SYNM: variants seen among roughly 807,000 people sequenced by gnomAD.
SYNM encodes the protein desmuslin.
Under a neutral mutation model 104.0 loss-of-function variants are expected in SYNM, and 95 were observed. That is an observed-to-expected ratio of 0.91 (90% CI 0.77 to 1.08). SYNM has a LOEUF of 1.08. Ranked by LOEUF, SYNM falls within the 50% of genes least tolerant of loss-of-function variation. The pLI is 0.00. For synonymous variants in SYNM, 918 were observed against 869.0 expected (o/e 1.06, Z -0.99); for missense variants, 2,150 against 2,052.2 (o/e 1.05, Z -0.92).
At chr15:99,113,532 TCAGTTCGACCCAGTAAAGCTC>T in intron 1 of SYNM, 38 bp from the exon 2 acceptor site, 1 of 1,602,710 alleles carries the variant, frequency 6.2e-7, no homozygotes, top group Non-Finnish European at 8.5e-7. Context: ...GTTGGTACCT[TCAGTTCGACCCAGTAAAGCTC>T]CAGTTCTCTG....
chr15:99,115,874 G>A (rs1316124958), intron 2 of SYNM, among the ~76,000 whole-genome samples: 2 of 152,210 alleles, frequency 1.3e-5, no homozygotes, highest in South Asian at 2.1e-4. Context: ...AGCCTGGGCC[G>A]GCCTCACTGT....
In SYNM at chr15:99,135,500, A is replaced by G. The variant is rs1331091768; in HGVS notation, c.*2442A>G. On this transcript the variant is annotated 3_prime_UTR_variant, in exon 4 of 4. Coordinates refer to ENST00000336292, the MANE Select transcript of SYNM (RefSeq NM_145728.3). ...GTTTAAGATGTATATTTAGAATGAC[A>G]TCATCTAAGAAGCTGATTTTGCTAA... 11 of 152,650 alleles carry G rather than the reference A, an allele frequency of 7.2e-5. No individual in the cohort carries two copies. The highest frequency in any genetic ancestry group is 2.2e-4 in the African/African-American group (9 of 41,460). 9.5% of individuals were successfully genotyped at this position (152,650 alleles called of 1,614,324 possible).
intron 2 of SYNM, among the ~76,000 whole-genome samples, chr15:99,116,615 A>G (rs917946987): frequency 7.0e-6 from 1 of 143,712 alleles, no homozygotes; most frequent in Non-Finnish European, 1.5e-5. Flanking sequence ...GTGAAAGGGC[A>G]GCAGGCATGT....
Position 99,113,465 on chromosome 15 carries a change from G to A in SYNM, c.811-126G>A, listed in dbSNP as rs189324384. The A allele has an allele frequency of 2.8e-5, 34 of 1,202,998 alleles. No homozygotes were observed. In the East Asian group the frequency reaches 4.2e-4, roughly 15 times the overall value. The allele number at this position is 1,202,998 out of a possible 1,614,324, so 74.5% of individuals were successfully genotyped here. On this transcript the variant is annotated intron_variant, in intron 1 of 3. Coordinates refer to ENST00000336292, the MANE Select transcript of SYNM (RefSeq NM_145728.3). The stretch of plus-strand genomic sequence containing the variant: ...AAGTGACTGCATGTTTAATAACGCC[G>A]GGTGTTTTTCTGGTCTGCTAATAAC...
At position 99,132,416 on chromosome 15, in the gene SYNM, C is replaced by T; in HGVS notation, c.4056C>T (p.His1352=). The T allele has an allele frequency of 3.1e-6, 5 of 1,614,002 alleles. No individual in the cohort carries two copies. The highest frequency in any genetic ancestry group is 2.2e-5 in the South Asian group (2 of 91,086). ...ACGGAGAGGGCTCAGCAGATGTGCA[C>T]CAGGCCACTCACAGTCATACCTCGG... The part of the protein sequence containing the change: ...TVHGEGSADV[H]QATHSHTSGR... The change falls in exon 4 of 4, where the codon CAC becomes CAT. Residue 1352 remains histidine (H), a synonymous_variant. Transcript: ENST00000336292.
downstream of SYNM, chr15:99,139,771 TG>T (rs201107493): frequency 1.1e-4 from 145 of 1,298,670 alleles, 1 homozygote; most frequent in African/African-American, 4.0e-4. Context: ...AAAATAGTTT[TG>T]TTTTTTTTGT....
intron 2 of SYNM, among the ~76,000 whole-genome samples, chr15:99,125,446 C>G (rs2067437989): frequency 6.6e-6 from 1 of 152,252 alleles, no homozygotes; most frequent in Non-Finnish European, 1.5e-5. Context: ...TGGACTCGGG[C>G]CTCTGCACAT....
chr15:99,132,474 T>C lies in SYNM; in HGVS notation c.4114T>C (p.Phe1372Leu), dbSNP rs782211174. The change falls in exon 4 of 4, where the codon TTC (phenylalanine) becomes CTC (leucine). Residue 1372 changes from phenylalanine (F) to leucine (L), a missense_variant. Physicochemically the swap from Phe to Leu is conservative, Grantham distance 22. Coordinates refer to ENST00000336292, the MANE Select transcript of SYNM (RefSeq NM_145728.3). ...RQTVMTEKST[F>L]QSVVSESPQE... ...AACCGTTATGACTGAAAAGAGCACC[T>C]TCCAAAGTGTCGTTTCTGAATCTCC... 6.2e-7 allele frequency: 1 copy of C among 1,614,016 alleles called. No individual in the cohort carries two copies. Among genetic ancestry groups the C allele is most frequent in the East Asian group, 2.2e-5 (1 of 44,888 alleles).
At chr15:99,139,681 A>T (rs1309986738), downstream of SYNM, 3 of 1,391,844 alleles carry the variant, frequency 2.2e-6, no homozygotes, top group Non-Finnish European at 2.9e-6. Flanking sequence ...TAAAGGCAAG[A>T]ACCTTGGTAC....
At position 99,130,775 on chromosome 15, in the gene SYNM, C is replaced by G; in HGVS notation, c.2415C>G (p.Thr805=). The change falls in exon 4 of 4, where the codon ACC becomes ACG. Residue 805 remains threonine (T), a synonymous_variant. Coordinates refer to ENST00000336292, the MANE Select transcript of SYNM (RefSeq NM_145728.3). ...VTFSVNQHRR[T]KQPQENTTHV... ...TCTCAGTTAATCAGCATCGAAGGAC[C>G]AAGCAGCCTCAGGAGAACACGACTC... 6.2e-7 allele frequency: 1 copy of G among 1,613,950 alleles called. No individual in the cohort carries two copies. Among genetic ancestry groups the G allele is most frequent in the Non-Finnish European group, 8.5e-7 (1 of 1,179,886 alleles).
rs369978337 is a variant in SYNM, at chr15:99,129,839, C to T, written c.1479C>T (p.Thr493=). ...ASESTRSNER[T]VILGKKTEVK... ...AAAGCACACGGTCAAATGAGAGGAC[C>T]GTCATTCTGGGAAAGAAAACAGAAG... The change falls in exon 4 of 4, where the codon ACC becomes ACT. Residue 493 remains threonine (T), a synonymous_variant. Transcript: ENST00000336292. 2.2e-5 allele frequency: 36 copies of T among 1,613,396 alleles called. No homozygotes were observed. Among genetic ancestry groups the T allele is most frequent in the South Asian group, 1.6e-4 (15 of 91,032 alleles).
At chr15:99,110,578 C>T (rs1294891779) in intron 1 of SYNM, among the ~76,000 whole-genome samples, 2 of 152,244 alleles carry the variant, frequency 1.3e-5, no homozygotes, top group East Asian at 3.8e-4. Context: ...GTATTTAAAT[C>T]CCCTGGAGCT....
rs781931807 is a variant in SYNM, at chr15:99,105,869, G to A, written c.670G>A (p.Glu224Lys). 8 of 1,541,582 alleles carry A rather than the reference G, an allele frequency of 5.2e-6. No individual in the cohort carries two copies. The highest frequency in any genetic ancestry group is 7.0e-6 in the Non-Finnish European group (8 of 1,146,386). Residue 224 changes from glutamate (E) to lysine (K), a missense_variant, in exon 1 of 4, where the codon GAG becomes AAG. Coordinates refer to ENST00000336292, the MANE Select transcript of SYNM (RefSeq NM_145728.3). ...CGGCCAGGAGAGCAGACTCCAGGCG[G>A]AGGAAGAGACGCGGCTGTGCGCGCA... is the stretch of plus-strand genomic sequence containing the variant. ...RRGQESRLQA[E>K]EETRLCAQEA...
In SYNM at chr15:99,131,005, C is replaced by G; in HGVS notation, c.2645C>G (p.Ala882Gly). ...CGAAGGAGGACACAGAAGGACGGTG[C>G]AGTGGGCGAGAAGGTTGTGAAGCCC... is the stretch of plus-strand genomic sequence containing the variant. ...GTRRRTQKDG[A>G]VGEKVVKPLD... is the part of the protein sequence containing the mutation. The change falls in exon 4 of 4, where the codon GCA (alanine) becomes GGA (glycine). Residue 882 changes from alanine (A) to glycine (G), a missense_variant. Ala to Gly is a moderately conservative substitution (Grantham distance 60). Coordinates refer to ENST00000336292, the MANE Select transcript of SYNM (RefSeq NM_145728.3). This position sits in a 1 kb window ranked among gnomAD's most constrained non-coding sequence, Gnocchi z 4.3. 2 of 1,613,430 alleles carry G rather than the reference C, an allele frequency of 1.2e-6. No individual in the cohort carries two copies. Among genetic ancestry groups the G allele is most frequent in the South Asian group, 2.2e-5 (2 of 90,974 alleles).
At chr15:99,139,737 G>A (rs1555489306), downstream of SYNM, 2 of 1,338,164 alleles carry the variant, frequency 1.5e-6, no homozygotes, top group Middle Eastern at 2.2e-4. Flanking sequence ...TGTGGCCCTT[G>A]TTATAGCCTG....
At position 99,133,162 on chromosome 15, in the gene SYNM, CTTTTTTACT is replaced by C; in HGVS notation, c.*110_*118del. 8 of 1,507,958 alleles carry C rather than the reference CTTTTTTACT, an allele frequency of 5.3e-6. No individual in the cohort carries two copies. The highest frequency in any genetic ancestry group is 7.0e-6 in the Non-Finnish European group (8 of 1,136,754). The allele number at this position is 1,507,958 out of a possible 1,614,324, so 93.4% of individuals were successfully genotyped here. On this transcript the variant is annotated 3_prime_UTR_variant, in exon 4 of 4. Transcript: ENST00000336292. ...CCGAGGGAGTCTATGAAAATCTCCC[CTTTTTTACT>C]TTTTTAAAGAGTACTCCCGGCATGG...
rs782636176 is a variant in SYNM, at chr15:99,132,073, GC to G, written c.3717del (p.Ile1240PhefsTer28). On this transcript the variant is annotated frameshift_variant, in exon 4 of 4. Coordinates refer to ENST00000336292, the MANE Select transcript of SYNM (RefSeq NM_145728.3). LOFTEE classifies it high-confidence loss of function. ...GCTGAAAAGGAGATTATTTTTCAGG[GC>G]CCCATTTCTGCTGCAGGGAAGGTTG... is the stretch of plus-strand genomic sequence containing the variant. ...FHAEKEIIFQ[G>X]PISAAGKVGD... The G allele has an allele frequency of 6.2e-7, 1 of 1,613,918 alleles. No individual in the cohort carries two copies. Among genetic ancestry groups the G allele is most frequent in the African/African-American group, 1.3e-5 (1 of 75,062 alleles).
rs1231716120 is a variant in SYNM at position 99,129,733 on chromosome 15, C to T, written c.1373C>T (p.Pro458Leu). The T allele has an allele frequency of 6.2e-7, 1 of 1,613,582 alleles. No individual in the cohort carries two copies. Among genetic ancestry groups the T allele is most frequent in the East Asian group, 2.2e-5 (1 of 44,876 alleles). ...RPKAGDTREV[P>L]VYIGEDSTIA... ...AAAGCCGGAGATACAAGGGAGGTCC[C>T]CGTTTACATAGGTGAAGATTCCACA... The change falls in exon 4 of 4, where the codon CCC (proline) becomes CTC (leucine). Residue 458 changes from proline (P) to leucine (L), a missense_variant. Pro to Leu is a moderately conservative substitution (Grantham distance 98). Transcript: ENST00000336292.
At chr15:99,119,356 C>T (rs1261300476) in intron 2 of SYNM, among the ~76,000 whole-genome samples, 1 of 152,252 alleles carries the variant, frequency 6.6e-6, no homozygotes, top group Non-Finnish European at 1.5e-5. Flanking sequence ...CCCACCCAGA[C>T]ATACTGGACC....
Sources: gnomAD v4.1 joint callset for allele counts (sites outside exome capture counted in the v4.1 genomes callset) on GRCh38, gnomAD v4.1.1 for gene constraint, Gnocchi (gnomAD v3.1) non-coding constraint, MANE v1.5 for transcripts, NCBI Gene and HGNC (gene_info 2026-07-23, HGNC 2026-07-21) for gene names.